Variants in MYH15 observed in about 807,000 individuals in gnomAD.
The protein encoded by MYH15 is myosin heavy chain 15.
Under a neutral mutation model 240.5 loss-of-function variants are expected in MYH15, and 227 were observed. The observed-to-expected ratio is 0.94, with a 90% CI of 0.85 to 1.05. The LOEUF (loss-of-function observed/expected upper bound fraction) is 1.05, where lower values mean the gene tolerates loss of function less well. Among genes scored for constraint, MYH15 ranks in the 50% least tolerant of loss-of-function variants. The pLI, the probability that MYH15 is intolerant of heterozygous loss-of-function variation, is 0.00. For synonymous variants in MYH15, 785 were observed against 796.7 expected, an observed-to-expected ratio of 0.99 and a Z score of 0.25; for missense variants, 2,217 against 2,247.5, an observed-to-expected ratio of 0.99 and a Z score of 0.27.
the MYH15 span, among the ~76,000 whole-genome samples, chr3:108,546,273 C>T: frequency 4.6e-5 from 7 of 152,130 alleles, no homozygotes; most frequent in Non-Finnish European, 1.0e-4. Context: ...CTGTCTTTTG[C>T]TAGGGCTAAT....
At chr3:108,485,009 T>A in intron 11 of MYH15, 82 bp downstream of exon 11, 1 of 1,422,504 alleles carries the variant, frequency 7.0e-7, no homozygotes, top group South Asian at 1.4e-5. Context: ...AAGTAAGAGA[T>A]GAAGTTAACT....
chr3:108,462,600 T>C (rs1337699022), intron 16 of MYH15, among the ~76,000 whole-genome samples: 1 of 152,088 alleles, frequency 6.6e-6, no homozygotes, highest in African/African-American at 2.4e-5. Flanking sequence ...AATTACAAAC[T>C]ACTAAACAAG....
chr3:108,535,725 G>GT, the MYH15 span, among the ~76,000 whole-genome samples: 1 of 152,042 alleles, frequency 6.6e-6, no homozygotes, highest in African/African-American at 2.4e-5. Flanking sequence ...GTACACTAAG[G>GT]TAAGTGTATT....
chr3:108,513,472 T>C (rs2083536256), upstream of MYH15, among the ~76,000 whole-genome samples: 1 of 152,196 alleles, frequency 6.6e-6, no homozygotes, highest in Non-Finnish European at 1.5e-5. Flanking sequence ...AGGACCTAGC[T>C]CTGCCTTTGA....
chr3:108,498,877 T>C (rs2083414434), intron 5 of MYH15, among the ~76,000 whole-genome samples: 1 of 152,222 alleles, frequency 6.6e-6, no homozygotes, highest in Admixed American at 6.5e-5. Flanking sequence ...TCACAGCCCC[T>C]TGAGTCTCAG....
chr3:108,443,871 T>A (rs1294108667), intron 22 of MYH15, among the ~76,000 whole-genome samples: 1 of 151,388 alleles, frequency 6.6e-6, no homozygotes, highest in Non-Finnish European at 1.5e-5. Flanking sequence ...TTATTTTTTT[T>A]TTTTTAATGT....
intron 31 of MYH15, among the ~76,000 whole-genome samples, chr3:108,409,400 G>A (rs979164277): frequency 3.3e-5 from 5 of 152,132 alleles, no homozygotes; most frequent in African/African-American, 7.2e-5. Context: ...CAGCAGCACC[G>A]GCCTCACCTG....
intron 16 of MYH15, among the ~76,000 whole-genome samples, chr3:108,461,272 C>T (rs1424983831): frequency 1.3e-5 from 2 of 152,170 alleles, no homozygotes; most frequent in Admixed American, 1.3e-4. Flanking sequence ...CCAGGTCTCT[C>T]AGTGAAACAC....
intron 5 of MYH15, among the ~76,000 whole-genome samples, chr3:108,498,838 T>G (rs2083414118): frequency 1.3e-5 from 2 of 152,232 alleles, no homozygotes; most frequent in African/African-American, 4.8e-5. Context: ...ACACCATCAT[T>G]GCATGGGAAG....
At chr3:108,382,623 T>C (rs1043055419) in intron 40 of MYH15, among the ~76,000 whole-genome samples, 12 of 152,220 alleles carry the variant, frequency 7.9e-5, no homozygotes, top group African/African-American at 2.9e-4. Context: ...ACCATGTCAA[T>C]ATGGAGTCCA....
chr3:108,465,646 A>C (rs1319735519), intron 14 of MYH15, among the ~76,000 whole-genome samples: 2 of 152,156 alleles, frequency 1.3e-5, no homozygotes, highest in African/African-American at 4.8e-5. Context: ...AGTTTTAAAA[A>C]ACAAACAGAT....
intron 1 of MYH15, among the ~76,000 whole-genome samples, chr3:108,528,552 G>C (rs2083690701): frequency 6.6e-6 from 1 of 152,144 alleles, no homozygotes; most frequent in Non-Finnish European, 1.5e-5. Context: ...ACCTAATTTA[G>C]GTGTATGAAC....
Position 108,507,226 on chromosome 3 carries a change from AATATATATATATATATATATATATAT to A in MYH15, c.89-1423_89-1398del, listed in dbSNP as rs147101810. On this transcript the variant is annotated intron_variant, in intron 1 of 40. Transcript: ENST00000693548. ...CATACTTTCCTTTTAAAGGAAAATG[AATATATATATATATATATATATATAT>A]ATATATATATATATATATATATATA... Among the ~76,000 whole-genome samples, 177 of 98,534 alleles carry A rather than the reference AATATATATATATATATATATATATAT, an allele frequency of 1.8e-3. 4 individuals are homozygous for A. The highest frequency in any genetic ancestry group is 1.5e-3 in the Non-Finnish European group (76 of 52,262). The allele number at this position is 98,534 out of a possible 152,430, so 64.6% of individuals were successfully genotyped here. A position where few individuals can be genotyped will look rare whatever the true frequency, so the allele number is the denominator to read the frequency against.
chr3:108,418,941 C>G (rs2082659190), intron 28 of MYH15, among the ~76,000 whole-genome samples: 1 of 152,118 alleles, frequency 6.6e-6, no homozygotes, highest in South Asian at 2.1e-4. Context: ...CTGGTAGAGA[C>G]AGAGTTTTGC....
intron 25 of MYH15, among the ~76,000 whole-genome samples, chr3:108,435,975 T>G (rs1397809401): frequency 6.6e-6 from 1 of 152,104 alleles, no homozygotes; most frequent in Non-Finnish European, 1.5e-5. Context: ...GTTTTGACAT[T>G]GAGTTCATTA....
intron 23 of MYH15, among the ~76,000 whole-genome samples, chr3:108,440,593 A>C (rs951656649): frequency 2.0e-5 from 3 of 152,048 alleles, no homozygotes; most frequent in Non-Finnish European, 4.4e-5. Flanking sequence ...ACTAGAATTA[A>C]AGTGACATCT....
chr3:108,460,334 C>T lies in MYH15; in HGVS notation c.1898G>A (p.Gly633Glu), dbSNP rs2083060648. ...IPFGEKKRKK[G>E]ASFQTVASLH... is the part of the protein sequence containing the mutation. ...AGATGCAACCGTTTGGAATGAAGCT[C>T]CTTTCTTTCGTTTCTTCTCCCCAAA... Residue 633 changes from glycine to glutamate, a missense_variant, in exon 17 of 41, where the codon GGA (glycine) becomes GAA (glutamate). Coordinates refer to ENST00000693548, the MANE Select transcript of MYH15 (RefSeq NM_014981.3). 1 of 1,603,154 alleles carries T rather than the reference C, an allele frequency of 6.2e-7. No homozygotes were observed.
intron 20 of MYH15, among the ~76,000 whole-genome samples, chr3:108,454,412 A>G (rs1308054906): frequency 6.6e-6 from 1 of 152,266 alleles, no homozygotes; most frequent in East Asian, 1.9e-4. Flanking sequence ...TAATGTCTCA[A>G]TTGTTTAGGG....
At chr3:108,489,305 T>G (rs113660395) in intron 9 of MYH15, among the ~76,000 whole-genome samples, 6,167 of 152,238 alleles carry the variant, frequency 0.041, 401 homozygotes, top group African/African-American at 0.14. Flanking sequence ...GAAGGACCTC[T>G]TGGTCACTTA....
Sources: allele counts gnomAD v4.1 joint callset (sites outside exome capture counted in the v4.1 genomes callset), GRCh38; gene constraint gnomAD v4.1.1; transcripts MANE v1.5; gene names NCBI Gene and HGNC (gene_info 2026-07-23, HGNC 2026-07-21).